Variants in SOS1 observed in about 807,000 individuals in gnomAD.
SOS1 encodes SOS Ras/Rac guanine nucleotide exchange factor 1.
A neutral mutation model predicts 157.6 loss-of-function variants in SOS1; 25 were observed. The observed-to-expected ratio is 0.16, with a 90% confidence interval of 0.12 to 0.22. SOS1 has a LOEUF of 0.22. Ranked by LOEUF, SOS1 falls within the 10% of genes least tolerant of loss-of-function variation. The pLI, the probability that SOS1 is intolerant of heterozygous loss-of-function variation, is 1.00. For missense variants in SOS1, 1,237 were observed against 1,599.1 expected (o/e 0.77, Z 3.86); for synonymous variants, 528 against 534.0 (o/e 0.99, Z 0.16).
At chr2:39,096,262 A>G (rs7584338) in intron 1 of SOS1, among the ~76,000 whole-genome samples, 3 of 152,122 alleles carry the variant, frequency 2.0e-5, no homozygotes, top group Admixed American at 1.3e-4. Flanking sequence ...CATTCCCTCT[A>G]AACTTTCTAA....
Position 38,989,455 on chromosome 2 carries a change from T to A in SOS1, c.3347-141A>T, listed in dbSNP as rs1668660143. ...TGTAACAGTTTATAGTAAAACCTCA[T>A]TACTACTTACTTTTGAGAAGAAAAA... On this transcript the variant is annotated intron_variant, in intron 20 of 22. Coordinates refer to ENST00000402219, the MANE Select transcript of SOS1 (RefSeq NM_005633.4). 8.2e-6 allele frequency: 5 copies of A among 609,976 alleles called. No individual in the cohort carries two copies. The South Asian group carries it at 1.1e-4, about 13-fold the overall frequency. 37.8% of individuals were successfully genotyped at this position (609,976 alleles called of 1,614,324 possible).
Position 39,087,969 on chromosome 2 carries a change from A to T in SOS1, c.88-20216T>A, listed in dbSNP as rs577137525. The stretch of plus-strand genomic sequence containing the variant: ...GCTGGGATCACAGGCCACTGCACCC[A>T]GCCGAAAGTGCTTTAAAATGTGGTA... On this transcript the variant is annotated intron_variant, in intron 1 of 22. Coordinates refer to ENST00000402219, the MANE Select transcript of SOS1 (RefSeq NM_005633.4). 5.9e-5 allele frequency among the ~76,000 whole-genome samples: 9 copies of T among 151,778 alleles called. No individual in the cohort carries two copies. The East Asian group carries it at 9.8e-4, about 17-fold the overall frequency.
intron 4 of SOS1, 68 bp from the exon 5 acceptor site, chr2:39,054,891 C>T (rs948511770): frequency 2.4e-6 from 2 of 842,854 alleles, no homozygotes; most frequent in South Asian, 2.9e-5. Context: ...ATGTGAAATG[C>T]TCTAAGTTCT....
intron 1 of SOS1, among the ~76,000 whole-genome samples, chr2:39,081,937 T>C (rs780807782): frequency 2.4e-4 from 36 of 152,204 alleles, no homozygotes; most frequent in Non-Finnish European, 3.7e-4. Flanking sequence ...TGTGGGTACA[T>C]AGGTGCATAT....
intron 6 of SOS1, among the ~76,000 whole-genome samples, chr2:39,046,598 G>A (rs1334600729): frequency 4.7e-5 from 7 of 148,928 alleles, no homozygotes; most frequent in Admixed American, 1.3e-4. Context: ...TCCGCCTCCC[G>A]GGTTCACGCC....
chr2:39,065,602 T>C (rs17023292), intron 2 of SOS1, among the ~76,000 whole-genome samples: 12,001 of 152,186 alleles, frequency 0.079, 1,705 homozygotes, highest in African/African-American at 0.28. Context: ...CTGACCTTAC[T>C]GAGAACTCTA....
At position 39,106,590 on chromosome 2, in the gene SOS1, C is replaced by CAAAAAAAA. The variant is rs775720230; in HGVS notation, c.87+13738_87+13745dup. 1.7e-3 allele frequency among the ~76,000 whole-genome samples: 54 copies of CAAAAAAAA among 31,248 alleles called. 1 individual carries two copies. The highest frequency in any genetic ancestry group is 4.5e-3 in the African/African-American group (51 of 11,290). 20.5% of individuals were successfully genotyped at this position (31,248 alleles called of 152,430 possible). A position where few individuals can be genotyped will look rare whatever the true frequency, so the allele number is the denominator to read the frequency against. Reference sequence around the variant, plus strand: ...TGGGCGACAGAGCGAGACTCCGTCTCAAAAAAAAAAACAAAAAAAAAAACA... The same window carrying CAAAAAAAA: ...TGGGCGACAGAGCGAGACTCCGTCTCAAAAAAAAAAAAAAAAAAACAAAAAAAAAAACA... On this transcript the variant is annotated intron_variant, in intron 1 of 22. Coordinates refer to ENST00000402219, the MANE Select transcript of SOS1 (RefSeq NM_005633.4).
intron 1 of SOS1, among the ~76,000 whole-genome samples, chr2:39,095,537 G>A (rs1436362983): frequency 2.0e-5 from 3 of 152,180 alleles, no homozygotes; most frequent in Non-Finnish European, 2.9e-5. Context: ...GGCTACATTC[G>A]AAAGTTTGTG....
At chr2:39,006,945 T>C in intron 16 of SOS1, 86 bp downstream of exon 16, 1 of 907,672 alleles carries the variant, frequency 1.1e-6, no homozygotes, top group Non-Finnish European at 1.8e-6. Context: ...ATGAGACATT[T>C]AAAAATTAAA....
At chr2:38,998,654 T>C (rs1668981737) in intron 17 of SOS1, among the ~76,000 whole-genome samples, 2 of 152,068 alleles carry the variant, frequency 1.3e-5, no homozygotes, top group Non-Finnish European at 2.9e-5. Flanking sequence ...AACAAATGAG[T>C]GAATATATGT....
chr2:39,010,779 CAAAT>C (rs919646931), intron 14 of SOS1, 76 bp from the exon 15 acceptor site: 11 of 1,176,068 alleles, frequency 9.4e-6, no homozygotes, highest in African/African-American at 3.0e-5. Flanking sequence ...GTAAAGGAGA[CAAAT>C]AAAAACTAAA....
chr2:39,022,425 A>C, intron 10 of SOS1, 145 bp downstream of exon 10: 1 of 671,618 alleles, frequency 1.5e-6, no homozygotes, highest in Non-Finnish European at 2.6e-6. Context: ...TTCCAAAGAA[A>C]TATAAAGTGG....
chr2:39,020,586 G>A (rs367966806), intron 10 of SOS1, among the ~76,000 whole-genome samples: 129 of 151,776 alleles, frequency 8.5e-4, no homozygotes, highest in African/African-American at 3.1e-3. Context: ...AAGATGAGAG[G>A]AGAAGAGCAG....
chr2:39,055,797 C>A (rs1027182203), intron 4 of SOS1, among the ~76,000 whole-genome samples: 6 of 152,190 alleles, frequency 3.9e-5, no homozygotes, highest in African/African-American at 1.4e-4. Context: ...AAGCTTTAGA[C>A]TCAGAGAGAC....
intron 1 of SOS1, among the ~76,000 whole-genome samples, chr2:39,091,714 T>G (rs1433807779): frequency 6.6e-6 from 1 of 152,176 alleles, no homozygotes; most frequent in Non-Finnish European, 1.5e-5. Context: ...CCCCCCAGGC[T>G]TCTCCACCCA....
intron 8 of SOS1, among the ~76,000 whole-genome samples, chr2:39,025,786 A>T (rs1468951772): frequency 6.6e-6 from 1 of 152,254 alleles, no homozygotes; most frequent in Admixed American, 6.5e-5. Flanking sequence ...GATAAAAATC[A>T]GTTACATGCA....
intron 1 of SOS1, among the ~76,000 whole-genome samples, chr2:39,080,374 T>C (rs749278381): frequency 6.6e-6 from 1 of 152,128 alleles, no homozygotes; most frequent in Non-Finnish European, 1.5e-5. Flanking sequence ...GATGAAGCTT[T>C]GCTCACTCAC....
chr2:39,037,468 A>G (rs1311204923), intron 6 of SOS1, among the ~76,000 whole-genome samples: 1 of 152,226 alleles, frequency 6.6e-6, no homozygotes, highest in Admixed American at 6.5e-5. Flanking sequence ...CTGTATGAAT[A>G]TATCAGTTTT....
chr2:39,053,592 C>T (rs941532291), intron 5 of SOS1, among the ~76,000 whole-genome samples: 3 of 152,128 alleles, frequency 2.0e-5, no homozygotes, highest in African/African-American at 7.2e-5. Flanking sequence ...CACTCATCGC[C>T]ATAGCTTGAG....
Sources: allele counts gnomAD v4.1 joint callset (sites outside exome capture counted in the v4.1 genomes callset), GRCh38; gene constraint gnomAD v4.1.1; transcripts MANE v1.5; gene names NCBI Gene and HGNC (gene_info 2026-07-23, HGNC 2026-07-21).